Variants in TEKT5 observed in about 807,000 individuals in gnomAD.
The protein encoded by TEKT5 is tektin-5.
A neutral mutation model predicts 48.7 loss-of-function variants in TEKT5; 52 were observed. That is an observed-to-expected ratio of 1.07 (90% CI 0.86 to 1.35). The LOEUF (loss-of-function observed/expected upper bound fraction) is 1.35. Among genes scored for constraint, TEKT5 ranks in the 40% most tolerant of loss-of-function variants. TEKT5 has a pLI of 0.00. For synonymous variants in TEKT5, 318 were observed against 267.6 expected, an observed-to-expected ratio of 1.19 and a Z score of -1.84; for missense variants, 831 against 641.6, an observed-to-expected ratio of 1.30 and a Z score of -3.19.
At chr16:10,672,358 C>T (rs116456718) in intron 5 of TEKT5, among the ~76,000 whole-genome samples, 7,528 of 152,202 alleles carry the variant, frequency 0.049, 259 homozygotes, top group Middle Eastern at 0.095. Flanking sequence ...AGGTGGATCA[C>T]TTGAGCCCAG....
chr16:10,676,227 G>T (rs758081398), intron 4 of TEKT5, 46 bp from the exon 5 acceptor site: 2 of 1,591,092 alleles, frequency 1.3e-6, no homozygotes, highest in South Asian at 2.2e-5. Context: ...GAAGACCTCA[G>T]AATCTGTGGT....
At chr16:10,631,722 G>T (rs1470025363) in intron 6 of TEKT5, among the ~76,000 whole-genome samples, 1 of 152,146 alleles carries the variant, frequency 6.6e-6, no homozygotes, top group Non-Finnish European at 1.5e-5. Flanking sequence ...AGGCCATGTG[G>T]AGACGAAGGC....
chr16:10,629,207 C>G (rs1897799227), intron 6 of TEKT5, among the ~76,000 whole-genome samples: 1 of 151,868 alleles, frequency 6.6e-6, no homozygotes, highest in Non-Finnish European at 1.5e-5. Context: ...GTGAATGTAC[C>G]AGATGTCACT....
rs746221414 is a variant in TEKT5, at chr16:10,690,027, T to C, written c.565-2A>G. On this transcript the variant is annotated splice_acceptor_variant, in intron 1 of 6. Transcript: ENST00000283025. LOFTEE classifies it high-confidence loss of function. ...ATGGTACAGACACTCCAAGGCCACC[T>C]GTGGGAAGCAGCAGAAAGAACGTAT... 1 of 1,614,054 alleles carries C rather than the reference T, an allele frequency of 6.2e-7. No homozygotes were observed. The highest frequency in any genetic ancestry group is 2.2e-5 in the East Asian group (1 of 44,878).
At position 10,668,671 on chromosome 16, in the gene TEKT5, T is replaced by C. The variant is rs951227951; in HGVS notation, c.1086+7288A>G. On this transcript the variant is annotated intron_variant, in intron 5 of 6. Transcript: ENST00000283025. ...GGGGTGGTTTTGCTGATGCTAACAA[T>C]GGCTGCTTGGGAGTCAAAACCCCAA... 5.9e-5 allele frequency among the ~76,000 whole-genome samples: 9 copies of C among 152,284 alleles called. No homozygotes were observed. The East Asian group carries it at 7.7e-4, about 13-fold the overall frequency.
chr16:10,632,946 C>T (rs1897859772), intron 6 of TEKT5, among the ~76,000 whole-genome samples: 1 of 151,746 alleles, frequency 6.6e-6, no homozygotes, highest in Non-Finnish European at 1.5e-5. Flanking sequence ...TGCTCCACCT[C>T]CTTGCTTTCT....
At chr16:10,651,509 A>G (rs1898155304) in intron 5 of TEKT5, among the ~76,000 whole-genome samples, 1 of 152,110 alleles carries the variant, frequency 6.6e-6, no homozygotes, top group Non-Finnish European at 1.5e-5. Context: ...AGTAAATAAT[A>G]ATGATGATGA....
At chr16:10,665,237 G>T (rs1898438269) in intron 5 of TEKT5, among the ~76,000 whole-genome samples, 1 of 152,144 alleles carries the variant, frequency 6.6e-6, no homozygotes, top group Non-Finnish European at 1.5e-5. Flanking sequence ...GGAATGCTGG[G>T]GCATAACATT....
At chr16:10,641,534 T>C (rs1897994636) in intron 5 of TEKT5, among the ~76,000 whole-genome samples, 1 of 152,290 alleles carries the variant, frequency 6.6e-6, no homozygotes, top group Non-Finnish European at 1.5e-5. Context: ...TAATATCACA[T>C]AGAGGCCTGG....
In TEKT5 at chr16:10,636,101, G is replaced by A. The variant is rs1217654591; in HGVS notation, c.1087-183C>T. On this transcript the variant is annotated intron_variant, in intron 5 of 6. Coordinates refer to ENST00000283025, the MANE Select transcript of TEKT5 (RefSeq NM_144674.2). ...TTCCTAAGAAACCTTGAGGCTGGGC[G>A]CGGTGGCTCATGCCTGTAATCCCAG... 3.3e-5 allele frequency among the ~76,000 whole-genome samples: 5 copies of A among 151,844 alleles called. No homozygotes were observed. In the East Asian group the frequency reaches 5.8e-4, roughly 18 times the overall value.
chr16:10,678,239 C>T (rs1160888400), intron 4 of TEKT5, among the ~76,000 whole-genome samples: 1 of 152,164 alleles, frequency 6.6e-6, no homozygotes, highest in Non-Finnish European at 1.5e-5. Context: ...GCTGGGACTA[C>T]AGGCGAGTGC....
At chr16:10,690,834 A>T in intron 1 of TEKT5, 1 of 960,620 alleles carries the variant, frequency 1.0e-6, no homozygotes, top group Non-Finnish European at 1.2e-6. Context: ...CAGGAGCAGA[A>T]GGAAGCAGGA....
At chr16:10,638,464 G>C (rs910006963) in intron 5 of TEKT5, among the ~76,000 whole-genome samples, 1 of 152,082 alleles carries the variant, frequency 6.6e-6, no homozygotes, top group Non-Finnish European at 1.5e-5. Context: ...TGGTGAGGTT[G>C]CATGTGCTCA....
rs115325161 is a variant in TEKT5 at position 10,676,016 on chromosome 16, G to A, written c.1029C>T (p.Asn343=). The part of the protein sequence containing the change: ...RQFTDTNLAF[N]ARISEVTDVK... Reference sequence around the variant, plus strand: ...CATCCGTCACCTCAGAGATGCGGGCGTTGAAGGCCAGGTTGGTGTCTGTGA... The same window carrying A: ...CATCCGTCACCTCAGAGATGCGGGCATTGAAGGCCAGGTTGGTGTCTGTGA... Residue 343 remains asparagine (N), a synonymous_variant, in exon 5 of 7, where the codon AAC becomes AAT. Coordinates refer to ENST00000283025, the MANE Select transcript of TEKT5 (RefSeq NM_144674.2). 1,478 of 1,614,228 alleles carry A rather than the reference G, an allele frequency of 9.2e-4. 8 individuals are homozygous for A. In the African/African-American group the frequency reaches 0.018, roughly 19 times the overall value.
intron 5 of TEKT5, among the ~76,000 whole-genome samples, chr16:10,657,632 C>G (rs1256364451): frequency 6.6e-6 from 1 of 151,068 alleles, no homozygotes; most frequent in Non-Finnish European, 1.5e-5. Context: ...CTCAGTCACC[C>G]AGGCTGGAGT....
chr16:10,675,882 C>T, intron 5 of TEKT5, 77 bp downstream of exon 5: 1 of 1,481,084 alleles, frequency 6.8e-7, no homozygotes, highest in Non-Finnish European at 9.4e-7. Context: ...CCAGCTTGGC[C>T]CAGATAACAC....
intron 5 of TEKT5, among the ~76,000 whole-genome samples, chr16:10,667,207 C>T (rs1227630100): frequency 6.6e-6 from 1 of 152,078 alleles, no homozygotes; most frequent in Non-Finnish European, 1.5e-5. Context: ...TGGTCTCAAA[C>T]TCCTGGGCTC....
intron 3 of TEKT5, 89 bp downstream of exon 3, chr16:10,689,164 A>C: frequency 2.0e-6 from 2 of 996,422 alleles, no homozygotes; most frequent in Non-Finnish European, 3.0e-6. Context: ...CCCAGAGACA[A>C]GTGGGCCCAT....
At chr16:10,691,875 G>A (rs1898985224) in intron 1 of TEKT5, among the ~76,000 whole-genome samples, 1 of 151,574 alleles carries the variant, frequency 6.6e-6, no homozygotes, top group Admixed American at 6.6e-5. Flanking sequence ...GTGGACCCGG[G>A]AGGCGGAGCT....
Sources: gnomAD v4.1 joint callset for allele counts (sites outside exome capture counted in the v4.1 genomes callset) on GRCh38, gnomAD v4.1.1 for gene constraint, MANE v1.5 for transcripts, NCBI Gene and HGNC (gene_info 2026-07-23, HGNC 2026-07-21) for gene names.